Variants in MMP24 observed in about 807,000 individuals in gnomAD.
MMP24 encodes matrix metallopeptidase 24.
A neutral mutation model predicts 62.8 loss-of-function variants in MMP24; 25 were observed. The observed-to-expected ratio is 0.40, with a 90% CI of 0.29 to 0.56. The LOEUF is 0.56. Ranked by LOEUF, MMP24 falls within the 20% of genes least tolerant of loss-of-function variation. MMP24 has a pLI of 0.50. For synonymous variants in MMP24, 319 were observed against 350.5 expected (o/e 0.91, Z 1.00); for missense variants, 634 against 853.6 (o/e 0.74, Z 3.21).
intron 1 of MMP24, among the ~76,000 whole-genome samples, chr20:35,238,101 CA>C (rs1477368451): frequency 1.1e-4 from 16 of 152,040 alleles, no homozygotes; most frequent in African/African-American, 3.9e-4. Context: ...TAGGATTGAC[CA>C]AGGAGATGGA....
At chr20:35,259,040 G>A (rs1395080269) in intron 4 of MMP24, among the ~76,000 whole-genome samples, 1 of 152,088 alleles carries the variant, frequency 6.6e-6, no homozygotes, top group Non-Finnish European at 1.5e-5. Context: ...AATTAGCCGG[G>A]TGTGGTGGCA....
In MMP24 at chr20:35,270,911, G is replaced by C. The variant is rs113602923; in HGVS notation, c.1334-658G>C. The stretch of plus-strand genomic sequence containing the variant: ...AAAAACTAGCCAAGCATGGTGGCAC[G>C]TGCCTGTAATCCTAGCTACTCAGGA... On this transcript the variant is annotated intron_variant, in intron 7 of 8. Coordinates refer to ENST00000246186, the MANE Select transcript of MMP24 (RefSeq NM_006690.4). Among the ~76,000 whole-genome samples, 578 of 152,324 alleles carry C rather than the reference G, an allele frequency of 3.8e-3. 1 individual carries two copies. The highest frequency in any genetic ancestry group is 0.012 in the African/African-American group (519 of 41,574).
chr20:35,249,214 A>G (rs1568613750), intron 2 of MMP24, among the ~76,000 whole-genome samples: 2 of 152,166 alleles, frequency 1.3e-5, no homozygotes, highest in Non-Finnish European at 2.9e-5. Context: ...CCTTTCTCTG[A>G]GCCTGTTTCC....
chr20:35,269,610 C>T lies in MMP24; in HGVS notation c.1195-150C>T, dbSNP rs2060655932. The T allele has an allele frequency of 7.3e-6, 7 of 954,076 alleles. No individual in the cohort carries two copies. The highest frequency in any genetic ancestry group is 1.5e-6 in the Non-Finnish European group (1 of 658,242). The allele number at this position is 954,076 out of a possible 1,614,324, so 59.1% of individuals were successfully genotyped here. A position where few individuals can be genotyped will look rare whatever the true frequency, so the allele number is the denominator to read the frequency against. ...GAAGACAGTTACAGGAGCATCCTGT[C>T]TTCCTCCCAGGGCTTTAAAAGTCAG... is the stretch of plus-strand genomic sequence containing the variant. On this transcript the variant is annotated intron_variant, in intron 6 of 8. Transcript: ENST00000246186. The surrounding 1 kb of genome is among the most constrained non-coding windows in gnomAD (Gnocchi z 4.6).
intron 1 of MMP24, among the ~76,000 whole-genome samples, chr20:35,243,559 G>T (rs538031715): frequency 4.6e-5 from 7 of 152,186 alleles, no homozygotes; most frequent in Non-Finnish European, 8.8e-5. Context: ...CTGGGCACTG[G>T]ATGATTAAGC....
intron 4 of MMP24, among the ~76,000 whole-genome samples, chr20:35,258,371 A>C (rs1434965345): frequency 6.6e-6 from 1 of 152,202 alleles, no homozygotes; most frequent in Non-Finnish European, 1.5e-5. Context: ...AATGTCTTTT[A>C]CAGTTGTTTG....
chr20:35,254,009 C>T (rs1001636565), intron 3 of MMP24, among the ~76,000 whole-genome samples: 12 of 151,882 alleles, frequency 7.9e-5, no homozygotes, highest in Non-Finnish European at 1.6e-4. Context: ...GCTGGGATTA[C>T]AGACTCACAC....
chr20:35,270,104 G>A (rs762782936), intron 7 of MMP24, among the ~76,000 whole-genome samples: 5 of 152,162 alleles, frequency 3.3e-5, no homozygotes, highest in African/African-American at 2.4e-5. Flanking sequence ...GACCAGCTTC[G>A]TCCACATGAA....
intron 2 of MMP24, among the ~76,000 whole-genome samples, chr20:35,247,610 G>A (rs952809672): frequency 6.6e-6 from 1 of 152,176 alleles, no homozygotes; most frequent in African/African-American, 2.4e-5. Flanking sequence ...AAAGATTCAC[G>A]GGCAGGGTGC....
At position 35,274,580 on chromosome 20, in the gene MMP24, T is replaced by C. The variant is rs1048180655; in HGVS notation, c.1909T>C (p.Tyr637His). 13 of 1,613,536 alleles carry C rather than the reference T, an allele frequency of 8.1e-6. No individual in the cohort carries two copies. Among genetic ancestry groups the C allele is most frequent in the Non-Finnish European group, 1.1e-5 (13 of 1,179,640 alleles). ...GACAGGCCCTCAGCCTGTCACCTAC[T>C]ATAAGCGGCCAGTCCAGGAATGGGT... Reference protein sequence around the residue: ...NKTGPQPVTYYKRPVQEWV With the variant: ...NKTGPQPVTYHKRPVQEWV Residue 637 changes from tyrosine to histidine, a missense_variant, in exon 9 of 9, where the codon TAT becomes CAT. Tyr to His is a moderately conservative substitution (Grantham distance 83). Coordinates refer to ENST00000246186, the MANE Select transcript of MMP24 (RefSeq NM_006690.4). This position sits in a 1 kb window ranked among gnomAD's most constrained non-coding sequence, Gnocchi z 5.1.
chr20:35,228,166 C>T (rs564673276), intron 1 of MMP24, among the ~76,000 whole-genome samples: 1 of 152,122 alleles, frequency 6.6e-6, no homozygotes, highest in Admixed American at 6.5e-5. Context: ...GCATGGAGCT[C>T]AGGGGGTCAT....
chr20:35,227,327 C>T (rs144014970), intron 1 of MMP24, among the ~76,000 whole-genome samples: 1 of 151,424 alleles, frequency 6.6e-6, no homozygotes, highest in East Asian at 2.0e-4. Flanking sequence ...AAATAGTAAG[C>T]GCAGCCAGTC....
At chr20:35,265,270 G>T (rs1311920513) in intron 5 of MMP24, among the ~76,000 whole-genome samples, 2 of 152,124 alleles carry the variant, frequency 1.3e-5, no homozygotes, top group East Asian at 3.9e-4. Context: ...GCAAAACCCT[G>T]TCTCTACTAA....
intron 4 of MMP24, among the ~76,000 whole-genome samples, chr20:35,256,764 C>A (rs960985210): frequency 6.7e-6 from 1 of 149,126 alleles, no homozygotes; most frequent in Non-Finnish European, 1.5e-5. Flanking sequence ...AGGACCCTAA[C>A]CTCTTGTCAT....
intron 1 of MMP24, among the ~76,000 whole-genome samples, chr20:35,238,292 CAAT>C (rs1451560545): frequency 2.0e-5 from 3 of 152,076 alleles, no homozygotes; most frequent in Non-Finnish European, 4.4e-5. Context: ...GTTGGGGTGA[CAAT>C]GATGAGGAGG....
intron 7 of MMP24, among the ~76,000 whole-genome samples, chr20:35,270,195 G>T (rs1364133362): frequency 6.6e-6 from 1 of 152,094 alleles, no homozygotes; most frequent in African/African-American, 2.4e-5. Flanking sequence ...AACCCAGAGG[G>T]AAGAGGTCAC....
intron 1 of MMP24, among the ~76,000 whole-genome samples, chr20:35,234,898 C>T (rs2060455485): frequency 6.6e-6 from 1 of 152,092 alleles, no homozygotes; most frequent in Non-Finnish European, 1.5e-5. Flanking sequence ...CAGAGCAGAA[C>T]CCCATCTCTA....
chr20:35,237,400 T>C (rs562775778), intron 1 of MMP24, among the ~76,000 whole-genome samples: 1 of 152,288 alleles, frequency 6.6e-6, no homozygotes, highest in South Asian at 2.1e-4. Flanking sequence ...CCCAACACCT[T>C]CTCTGACTCA....
chr20:35,272,167 G>A, intron 8 of MMP24: 1 of 440,010 alleles, frequency 2.3e-6, no homozygotes, highest in Non-Finnish European at 4.0e-6. Context: ...TGATGGGCAT[G>A]CATGTTTCAA....
Sources: allele counts gnomAD v4.1 joint callset (sites outside exome capture counted in the v4.1 genomes callset), GRCh38; gene constraint gnomAD v4.1.1; non-coding constraint Gnocchi (gnomAD v3.1); transcripts MANE v1.5; gene names NCBI Gene and HGNC (gene_info 2026-07-23, HGNC 2026-07-21).